COL22A1: variants seen among roughly 807,000 people sequenced by gnomAD.
The protein encoded by COL22A1 is collagen alpha-1(XXII) chain.
COL22A1 carries 221 observed loss-of-function variants against 248.9 expected under a neutral mutation model. The ratio of observed to expected loss-of-function variants is 0.89; its 90% CI spans 0.80 to 0.99. The LOEUF is 0.99. Among genes scored for constraint, COL22A1 ranks in the 50% least tolerant of loss-of-function variants. The probability of loss-of-function intolerance (pLI) is 0.00; values close to 1 mark genes in which losing one functional copy is unlikely to be tolerated. For synonymous variants in COL22A1, 891 were observed against 793.4 expected (o/e 1.12, Z -2.07); for missense variants, 2,240 against 2,179.0 (o/e 1.03, Z -0.56).
At chr8:138,832,656 G>A (rs534319735) in intron 5 of COL22A1, among the ~76,000 whole-genome samples, 31 of 152,312 alleles carry the variant, frequency 2.0e-4, no homozygotes, top group African/African-American at 6.7e-4. Flanking sequence ...AAGCCACTCC[G>A]AGATTCTGGT....
Position 138,689,368 on chromosome 8 carries a change from G to A in COL22A1, c.2809-398C>T, listed in dbSNP as rs1165673958. On this transcript the variant is annotated intron_variant, in intron 36 of 64. Transcript: ENST00000303045. ...ACAGTGTCTTTGGAGTCCCCAAAAG[G>A]TTGACTTTGAGACATGGTTTAAGTG... 5.9e-5 allele frequency among the ~76,000 whole-genome samples: 9 copies of A among 152,278 alleles called. No individual in the cohort carries two copies. The East Asian group carries it at 1.4e-3, about 23-fold the overall frequency.
intron 1 of COL22A1, among the ~76,000 whole-genome samples, chr8:138,900,840 G>T (rs1814496352): frequency 6.6e-6 from 1 of 152,220 alleles, no homozygotes; most frequent in South Asian, 2.1e-4. Context: ...AGAGAAGGGA[G>T]AAAGTAAACA....
intron 40 of COL22A1, 31 bp from the exon 41 acceptor site, chr8:138,676,666 GT>G (rs1422770442): frequency 7.5e-6 from 11 of 1,465,062 alleles, no homozygotes; most frequent in Non-Finnish European, 9.4e-6. Context: ...GATCAAGGAG[GT>G]CAGTGCCAGG....
At chr8:138,803,841 C>T (rs1204850918) in intron 10 of COL22A1, among the ~76,000 whole-genome samples, 3 of 152,158 alleles carry the variant, frequency 2.0e-5, no homozygotes, top group Non-Finnish European at 4.4e-5. Context: ...CTCTTGTTCC[C>T]AGCTCATCTT....
chr8:138,660,561 C>A, intron 43 of COL22A1, 81 bp from the exon 44 acceptor site: 1 of 1,252,120 alleles, frequency 8.0e-7, no homozygotes, highest in Non-Finnish European at 1.2e-6. Context: ...CTGCCAATCT[C>A]TCTATCTGCT....
chr8:138,589,290 C>T lies in COL22A1; in HGVS notation c.4844G>A (p.Ser1615Asn). 1.2e-6 allele frequency: 2 copies of T among 1,613,850 alleles called. No homozygotes were observed. The highest frequency in any genetic ancestry group is 1.7e-6 in the Non-Finnish European group (2 of 1,179,872). Reference protein sequence around the residue: ...CDPSQCAYFASLAARPGNVKG... With the variant: ...CDPSQCAYFANLAARPGNVKG... The stretch of plus-strand genomic sequence containing the variant: ...CACATTACCCGGCCGGGCAGCAAGG[C>T]TGGCGAAGTAGGCACACTGGGAAGG... The change falls in exon 65 of 65, where the codon AGC becomes AAC. Residue 1615 changes from serine (S) to asparagine (N), a missense_variant. Coordinates refer to ENST00000303045, the MANE Select transcript of COL22A1 (RefSeq NM_152888.3).
At chr8:138,729,349 TA>T (rs1830546421) in intron 23 of COL22A1, among the ~76,000 whole-genome samples, 2 of 152,164 alleles carry the variant, frequency 1.3e-5, no homozygotes, top group South Asian at 4.1e-4. Context: ...TAAGGGAGAC[TA>T]GAACTTAGGG....
intron 35 of COL22A1, among the ~76,000 whole-genome samples, chr8:138,691,830 G>GCA (rs1826964092): frequency 3.0e-5 from 1 of 33,384 alleles, no homozygotes; most frequent in African/African-American, 1.0e-4. Context: ...TTGTGGAGGT[G>GCA]TGTGTATGTG....
intron 62 of COL22A1, among the ~76,000 whole-genome samples, chr8:138,595,361 A>G (rs986531905): frequency 6.6e-5 from 10 of 152,172 alleles, no homozygotes; most frequent in African/African-American, 2.4e-4. Context: ...TCAGCCCAGC[A>G]GATTCTCTAT....
At chr8:138,673,548 C>G (rs1488603524) in intron 41 of COL22A1, among the ~76,000 whole-genome samples, 1 of 152,152 alleles carries the variant, frequency 6.6e-6, no homozygotes, top group Non-Finnish European at 1.5e-5. Flanking sequence ...TTTGAGGGAT[C>G]TCACAGAAGA....
At chr8:138,805,179 G>T (rs1298955169) in intron 10 of COL22A1, among the ~76,000 whole-genome samples, 3 of 137,566 alleles carry the variant, frequency 2.2e-5, no homozygotes, top group East Asian at 4.5e-4. Context: ...GTGTGTGTGT[G>T]GTGTGTGTGT....
chr8:138,720,862 G>T, intron 26 of COL22A1, 70 bp from the exon 27 acceptor site: 1 of 1,273,432 alleles, frequency 7.9e-7, no homozygotes, highest in Non-Finnish European at 1.1e-6. Context: ...AAAGTACTAG[G>T]CACAGGTTGG....
At chr8:138,760,198 G>T (rs777833215) in intron 18 of COL22A1, 45 bp downstream of exon 18, 1 of 1,508,508 alleles carries the variant, frequency 6.6e-7, no homozygotes, top group Admixed American at 2.2e-5. Flanking sequence ...CCCCGCACCT[G>T]CCTGCCCAGG....
intron 4 of COL22A1, among the ~76,000 whole-genome samples, chr8:138,833,667 T>C (rs938476435): frequency 1.3e-5 from 2 of 152,258 alleles, no homozygotes; most frequent in African/African-American, 2.4e-5. Flanking sequence ...TTCATGGTAC[T>C]GCATTATTTG....
At chr8:138,658,467 G>A (rs368657639) in intron 44 of COL22A1, among the ~76,000 whole-genome samples, 7 of 152,276 alleles carry the variant, frequency 4.6e-5, no homozygotes, top group South Asian at 2.1e-4. Flanking sequence ...CTGTGTGACC[G>A]ACTCCCAACA....
intron 30 of COL22A1, among the ~76,000 whole-genome samples, chr8:138,705,215 A>G (rs1393931151): frequency 1.3e-5 from 2 of 152,216 alleles, no homozygotes; most frequent in Non-Finnish European, 2.9e-5. Context: ...TCTTCAGGAT[A>G]TTATCCAGGA....
chr8:138,770,695 C>T (rs986433118), intron 16 of COL22A1, among the ~76,000 whole-genome samples: 3 of 152,334 alleles, frequency 2.0e-5, no homozygotes, highest in East Asian at 1.9e-4. Flanking sequence ...CCCACCAATA[C>T]GAGAGCTGAA....
intron 5 of COL22A1, among the ~76,000 whole-genome samples, chr8:138,832,469 G>T (rs1055299805): frequency 3.3e-5 from 5 of 152,122 alleles, no homozygotes; most frequent in Non-Finnish European, 5.9e-5. Context: ...CCCCTGACTG[G>T]AGGCCCAATA....
intron 1 of COL22A1, among the ~76,000 whole-genome samples, chr8:138,899,550 G>A (rs751287155): frequency 6.6e-6 from 1 of 152,006 alleles, no homozygotes; most frequent in Non-Finnish European, 1.5e-5. Context: ...TTGAGAGGGA[G>A]TCTCACTCTA....
Sources: gnomAD v4.1 joint callset for allele counts (sites outside exome capture counted in the v4.1 genomes callset) on GRCh38, gnomAD v4.1.1 for gene constraint, MANE v1.5 for transcripts, NCBI Gene and HGNC (gene_info 2026-07-23, HGNC 2026-07-21) for gene names.